TIMM23: variants seen among roughly 807,000 people sequenced by gnomAD.
The protein encoded by TIMM23 is mitochondrial import inner membrane translocase subunit Tim23.
TIMM23 carries 19 observed loss-of-function variants against 30.7 expected under a neutral mutation model. The ratio of observed to expected loss-of-function variants is 0.62; its 90% confidence interval spans 0.43 to 0.91. TIMM23 has a LOEUF of 0.91. Ranked by LOEUF, TIMM23 falls within the 40% of genes least tolerant of loss-of-function variation. TIMM23 has a pLI of 0.00. For missense variants in TIMM23, 202 were observed against 269.2 expected, an observed-to-expected ratio of 0.75 and a Z score of 1.75; for synonymous variants, 78 against 98.5, an observed-to-expected ratio of 0.79 and a Z score of 1.23.
At chr10:45,982,286 T>G (rs1837873841) in intron 2 of TIMM23, among the ~76,000 whole-genome samples, 3 of 152,242 alleles carry the variant, frequency 2.0e-5, no homozygotes, top group Non-Finnish European at 4.4e-5. Flanking sequence ...CAGATTTACG[T>G]TTTGAAGGAA....
chr10:45,973,548 A>G (rs1401745830), intron 1 of TIMM23, among the ~76,000 whole-genome samples: 1 of 152,206 alleles, frequency 6.6e-6, no homozygotes, highest in Non-Finnish European at 1.5e-5. Flanking sequence ...ATATGTTCAG[A>G]CTGTAGTGCA....
At chr10:45,994,081 T>G (rs1266133908) in intron 6 of TIMM23, among the ~76,000 whole-genome samples, 1 of 152,080 alleles carries the variant, frequency 6.6e-6, no homozygotes, top group East Asian at 1.9e-4. Flanking sequence ...GTGGCTCACC[T>G]GTAATCCTAG....
At chr10:46,002,497 A>C (rs1838575009) in intron 6 of TIMM23, 1 of 984,692 alleles carries the variant, frequency 1.0e-6, no homozygotes, top group Non-Finnish European at 1.2e-6. Flanking sequence ...TAATATTTGG[A>C]GGACCCATCC....
intron 5 of TIMM23, among the ~76,000 whole-genome samples, chr10:45,987,208 TA>T (rs1357720360): frequency 1.3e-5 from 2 of 151,634 alleles, no homozygotes; most frequent in Admixed American, 6.6e-5. Context: ...TTTCTAAATA[TA>T]ATTGCCATAC....
intron 6 of TIMM23, among the ~76,000 whole-genome samples, chr10:45,999,487 G>GC (rs1838454528): frequency 6.6e-6 from 1 of 152,120 alleles, no homozygotes; most frequent in African/African-American, 2.4e-5. Context: ...GTTCCATGAT[G>GC]CCCCACAAGC....
At chr10:45,998,349 G>A in intron 6 of TIMM23, 3 of 984,488 alleles carry the variant, frequency 3.0e-6, no homozygotes, top group Non-Finnish European at 3.6e-6. Flanking sequence ...GGTGGTGCTT[G>A]CCTATCGCTT....
At position 45,998,444 on chromosome 10, in the gene TIMM23, A is replaced by G. The variant is rs955518648; in HGVS notation, c.515-4759A>G. ...TTGCTTTGCTTTATAGAGATTGACC[A>G]TTGGCCTTATTTGGTTACTCTGTTC... On this transcript the variant is annotated intron_variant, in intron 6 of 6. Coordinates refer to ENST00000580018, the MANE Select transcript of TIMM23 (RefSeq NM_006327.4). 27 of 954,500 alleles carry G rather than the reference A, an allele frequency of 2.8e-5. No individual in the cohort carries two copies. The East Asian group carries it at 2.6e-3, about 94-fold the overall frequency. 59.1% of individuals were successfully genotyped at this position (954,500 alleles called of 1,614,324 possible).
chr10:46,003,518 T>C lies in TIMM23; in HGVS notation c.*200T>C. On this transcript the variant is annotated 3_prime_UTR_variant, in exon 7 of 7. Transcript: ENST00000580018. ...ATTAGTGAGTTGAAGCCAAAGCCCT[T>C]TGGTGACTCACTGAGTACCATGGTT... 2.0e-6 allele frequency: 1 copy of C among 490,480 alleles called. No individual in the cohort carries two copies. Among genetic ancestry groups the C allele is most frequent in the South Asian group, 2.4e-5 (1 of 40,822 alleles). 30.4% of individuals were successfully genotyped at this position (490,480 alleles called of 1,614,324 possible). A position where few individuals can be genotyped will look rare whatever the true frequency, so the allele number is the denominator to read the frequency against.
intron 6 of TIMM23, among the ~76,000 whole-genome samples, chr10:46,001,254 T>C (rs1380826180): frequency 1.3e-5 from 2 of 152,228 alleles, no homozygotes; most frequent in African/African-American, 4.8e-5. Flanking sequence ...ACAGTCTGAA[T>C]ATGGCAAGTT....
intron 5 of TIMM23, among the ~76,000 whole-genome samples, chr10:45,988,528 C>T (rs1369066412): frequency 1.3e-5 from 2 of 152,098 alleles, no homozygotes; most frequent in African/African-American, 2.4e-5. Flanking sequence ...AGTAATACAA[C>T]AAAAGACCTT....
chr10:46,003,293 G>C lies in TIMM23; in HGVS notation c.605G>C (p.Gly202Ala), dbSNP rs150556806. The C allele has an allele frequency of 2.0e-4, 315 of 1,613,874 alleles. No homozygotes were observed. The highest frequency in any genetic ancestry group is 2.5e-4 in the Non-Finnish European group (296 of 1,179,914). The change falls in exon 7 of 7, where the codon GGC becomes GCC. Residue 202 changes from glycine to alanine, a missense_variant. Coordinates refer to ENST00000580018, the MANE Select transcript of TIMM23 (RefSeq NM_006327.4). The part of the protein sequence containing the change: ...ALYNNWEHMK[G>A]SLLQQSL ...TATAATAACTGGGAGCACATGAAAG[G>C]CTCCTTGCTCCAACAGTCACTCTGA...
At chr10:45,989,983 AATG>A (rs1838107066) in intron 6 of TIMM23, among the ~76,000 whole-genome samples, 1 of 152,168 alleles carries the variant, frequency 6.6e-6, no homozygotes, top group African/African-American at 2.4e-5. Context: ...AAAAGATTTT[AATG>A]ATGTTTAATC....
intron 6 of TIMM23, among the ~76,000 whole-genome samples, chr10:45,998,831 CTTTTTTTTTT>C (rs35752006): frequency 8.0e-5 from 10 of 125,212 alleles, no homozygotes; most frequent in Non-Finnish European, 1.5e-4. Flanking sequence ...TCCCAAATAT[CTTTTTTTTTT>C]TTTTTTTTTG....
chr10:45,979,194 T>A (rs1837765299), intron 2 of TIMM23, among the ~76,000 whole-genome samples: 1 of 152,238 alleles, frequency 6.6e-6, no homozygotes, highest in Non-Finnish European at 1.5e-5. Context: ...CTTTAAAATT[T>A]ATTGTAGTCT....
chr10:45,992,009 C>T (rs1476103594), intron 6 of TIMM23, among the ~76,000 whole-genome samples: 2 of 151,854 alleles, frequency 1.3e-5, no homozygotes, highest in Admixed American at 6.6e-5. Flanking sequence ...CTCTGTCACC[C>T]AGGCTAAAGT....
intron 6 of TIMM23, among the ~76,000 whole-genome samples, chr10:46,001,298 C>G (rs1163696029): frequency 9.2e-5 from 14 of 152,134 alleles, no homozygotes; most frequent in African/African-American, 3.4e-4. Flanking sequence ...AAGGAGATAC[C>G]TCATGTTATA....
At chr10:45,981,243 T>G (rs1157330442) in intron 2 of TIMM23, among the ~76,000 whole-genome samples, 1 of 115,068 alleles carries the variant, frequency 8.7e-6, no homozygotes, top group Admixed American at 1.0e-4. Context: ...CTGGCCAAGT[T>G]TTCTATTCTT....
At chr10:45,979,606 CTTTTTTTTT>C (rs1171770886) in intron 2 of TIMM23, among the ~76,000 whole-genome samples, 1 of 54,376 alleles carries the variant, frequency 1.8e-5, no homozygotes, top group Non-Finnish European at 3.2e-5. Flanking sequence ...CATGCCTGGC[CTTTTTTTTT>C]TTTTTTTTTT....
At chr10:45,976,139 T>C (rs1325742677) in intron 2 of TIMM23, among the ~76,000 whole-genome samples, 1 of 152,114 alleles carries the variant, frequency 6.6e-6, no homozygotes, top group Non-Finnish European at 1.5e-5. Flanking sequence ...TATTAGGAAA[T>C]ATATCTTGGG....
Sources: allele counts gnomAD v4.1 joint callset (sites outside exome capture counted in the v4.1 genomes callset), GRCh38; gene constraint gnomAD v4.1.1; transcripts MANE v1.5; gene names NCBI Gene and HGNC (gene_info 2026-07-23, HGNC 2026-07-21).